Variants in PAX2 observed in about 807,000 individuals in gnomAD.
The protein encoded by PAX2 is paired box 2.
PAX2 carries 9 observed loss-of-function variants against 41.7 expected under a neutral mutation model. That is an observed-to-expected ratio of 0.22 (90% CI 0.13 to 0.38). PAX2 has a LOEUF of 0.38. PAX2 is among the 10% of genes least tolerant of loss of function. The pLI is 1.00. For missense variants in PAX2, 418 were observed against 531.6 expected (o/e 0.79, Z 2.10); for synonymous variants, 221 against 212.7 (o/e 1.04, Z -0.34).
At chr10:100,781,083 C>T (rs1003732322) in intron 4 of PAX2, among the ~76,000 whole-genome samples, 163 bp from the exon 5 acceptor site, 1 of 152,174 alleles carries the variant, frequency 6.6e-6, no homozygotes, top group Admixed American at 6.5e-5. Flanking sequence ...GCAGTCCCCT[C>T]TTAAATAGAC....
rs1845148281 is a variant in PAX2 at position 100,745,937 on chromosome 10, T to TGGCTGC, written c.-323_-318dup. 15 of 1,237,480 alleles carry TGGCTGC rather than the reference T, an allele frequency of 1.2e-5. No homozygotes were observed. Among genetic ancestry groups the TGGCTGC allele is most frequent in the Admixed American group, 4.6e-5 (1 of 21,848 alleles). 76.7% of individuals were successfully genotyped at this position (1,237,480 alleles called of 1,614,324 possible). A position where few individuals can be genotyped will look rare whatever the true frequency, so the allele number is the denominator to read the frequency against. On this transcript the variant is annotated 5_prime_UTR_variant, in exon 1 of 10. Coordinates refer to ENST00000355243, the MANE Select transcript of PAX2 (RefSeq NM_000278.5). ...CGCCTCCCCCGCCCAGCTTCAGCCC[T>TGGCTGC]GGCTGCAGCTGCAGCGCGAGCCATG... is the stretch of plus-strand genomic sequence containing the variant.
At chr10:100,817,015 C>G (rs1848209334) in intron 7 of PAX2, among the ~76,000 whole-genome samples, 1 of 152,210 alleles carries the variant, frequency 6.6e-6, no homozygotes, top group Non-Finnish European at 1.5e-5. Context: ...CAGAGAGGAA[C>G]TGGGAGGCCT....
At chr10:100,771,274 C>T (rs1305450420) in intron 3 of PAX2, among the ~76,000 whole-genome samples, 8 of 152,260 alleles carry the variant, frequency 5.3e-5, no homozygotes, top group Admixed American at 4.6e-4. Context: ...AGGTCCTGCC[C>T]ACAGCTCTGA....
Position 100,748,291 on chromosome 10 carries a change from G to A in PAX2, c.44-1455G>A. 2.0e-6 allele frequency: 2 copies of A among 984,894 alleles called. No homozygotes were observed. Among genetic ancestry groups the A allele is most frequent in the Non-Finnish European group, 1.2e-6 (1 of 829,680 alleles). 61.0% of individuals were successfully genotyped at this position (984,894 alleles called of 1,614,324 possible). On this transcript the variant is annotated intron_variant, in intron 1 of 9. Transcript: ENST00000355243. This position sits in a 1 kb window ranked among gnomAD's most constrained non-coding sequence, Gnocchi z 5.0. ...ATTGATGGTCGGGGTTTGGAGGGAG[G>A]GGAGGGTGAGAAGTGGGGCTAGAGA... is the stretch of plus-strand genomic sequence containing the variant.
At chr10:100,818,760 T>C (rs1035083203) in intron 7 of PAX2, among the ~76,000 whole-genome samples, 6 of 152,228 alleles carry the variant, frequency 3.9e-5, no homozygotes, top group Non-Finnish European at 8.8e-5. Flanking sequence ...AGGATTCACT[T>C]AGCATGATCC....
chr10:100,820,859 C>A (rs1440679564), intron 7 of PAX2, among the ~76,000 whole-genome samples: 1 of 152,202 alleles, frequency 6.6e-6, no homozygotes, highest in Non-Finnish European at 1.5e-5. Context: ...TGTCATTGAG[C>A]AACAAAAATC....
At chr10:100,749,126 A>G (rs1267557804) in intron 1 of PAX2, 1 of 985,478 alleles carries the variant, frequency 1.0e-6, no homozygotes, top group Non-Finnish European at 1.2e-6. Context: ...AAAACTTCCC[A>G]TCAAAAACAA....
At chr10:100,819,385 A>G (rs780029373) in intron 7 of PAX2, among the ~76,000 whole-genome samples, 3 of 152,058 alleles carry the variant, frequency 2.0e-5, no homozygotes, top group African/African-American at 4.8e-5. Context: ...CCTGGCCAAC[A>G]TAGTGAAACC....
intron 1 of PAX2, chr10:100,749,488 T>TC (rs1226202635): frequency 4.9e-5 from 65 of 1,313,480 alleles, no homozygotes; most frequent in Non-Finnish European, 6.0e-5. Flanking sequence ...TTCTCTCCAG[T>TC]CCCCCCTTTG....
intron 3 of PAX2, among the ~76,000 whole-genome samples, chr10:100,778,595 A>C (rs953231227): frequency 1.3e-5 from 2 of 152,120 alleles, no homozygotes; most frequent in African/African-American, 4.8e-5. Context: ...GTGGCTTCCA[A>C]AGGCCCCTCA....
chr10:100,780,534 T>C (rs1179618046), intron 4 of PAX2, among the ~76,000 whole-genome samples: 1 of 151,822 alleles, frequency 6.6e-6, no homozygotes, highest in Non-Finnish European at 1.5e-5. Context: ...TTACAGTGTG[T>C]GCTGGGAGGG....
At chr10:100,786,954 A>G (rs748490005) in intron 5 of PAX2, 3 of 1,388,800 alleles carry the variant, frequency 2.2e-6, no homozygotes, top group East Asian at 3.7e-5. Context: ...TGAGGTATAC[A>G]CTGATCCTGC....
chr10:100,811,513 G>A (rs1471826630), intron 7 of PAX2, among the ~76,000 whole-genome samples: 1 of 152,240 alleles, frequency 6.6e-6, no homozygotes, highest in African/African-American at 2.4e-5. Context: ...GATGCAAGGA[G>A]AACAGAAACA....
chr10:100,779,819 T>A (rs1301071365), intron 4 of PAX2, among the ~76,000 whole-genome samples: 2 of 152,004 alleles, frequency 1.3e-5, no homozygotes, highest in East Asian at 3.9e-4. Context: ...AGTCAGTCCC[T>A]ATCCTCTCCC....
chr10:100,814,163 A>G (rs1042104875), intron 7 of PAX2, among the ~76,000 whole-genome samples: 1 of 151,732 alleles, frequency 6.6e-6, no homozygotes, highest in Non-Finnish European at 1.5e-5. Context: ...CCTGGCTAAC[A>G]TGGTGAAACC....
At position 100,808,377 on chromosome 10, in the gene PAX2, A is replaced by G. The variant is rs190773317; in HGVS notation, c.793-733A>G. On this transcript the variant is annotated intron_variant, in intron 6 of 9. Coordinates refer to ENST00000355243, the MANE Select transcript of PAX2 (RefSeq NM_000278.5). ...GCGGAAGGGAAAAAAACAGACCCGA[A>G]AGAGCAGGAAATCAGTTTTAATTTA... Among the ~76,000 whole-genome samples, 128 of 152,302 alleles carry G rather than the reference A, an allele frequency of 8.4e-4. 1 individual carries two copies. Among genetic ancestry groups the G allele is most frequent in the African/African-American group, 2.9e-3 (120 of 41,564 alleles).
rs1845268653 is a variant in PAX2 at position 100,748,073 on chromosome 10, G to A, written c.44-1673G>A. ...TGCTGGCGGCCGTGGCGCATTCCAGGCCCGACTCAGCGCCGACTCGCTGCA... is the reference window on the plus strand; with the variant it reads ...TGCTGGCGGCCGTGGCGCATTCCAGACCCGACTCAGCGCCGACTCGCTGCA... On this transcript the variant is annotated intron_variant, in intron 1 of 9. Transcript: ENST00000355243. This position sits in a 1 kb window ranked among gnomAD's most constrained non-coding sequence, Gnocchi z 5.0. 2 of 984,958 alleles carry A rather than the reference G, an allele frequency of 2.0e-6. No individual in the cohort carries two copies. Among genetic ancestry groups the A allele is most frequent in the Non-Finnish European group, 2.4e-6 (2 of 829,912 alleles). The allele number at this position is 984,958 out of a possible 1,614,324, so 61.0% of individuals were successfully genotyped here. A position where few individuals can be genotyped will look rare whatever the true frequency, so the allele number is the denominator to read the frequency against.
rs1845273962 is a variant in PAX2 at position 100,748,186 on chromosome 10, G to A, written c.44-1560G>A. On this transcript the variant is annotated intron_variant, in intron 1 of 9. Transcript: ENST00000355243. This position sits in a 1 kb window ranked among gnomAD's most constrained non-coding sequence, Gnocchi z 5.0. ...AGGGGCCGGGCCCTGAGCCCGGGGAGGCTGAATTATTCATCTTTAATCTGC... is the reference window on the plus strand; with the variant it reads ...AGGGGCCGGGCCCTGAGCCCGGGGAAGCTGAATTATTCATCTTTAATCTGC... 1.0e-6 allele frequency: 1 copy of A among 985,148 alleles called. No homozygotes were observed. The highest frequency in any genetic ancestry group is 1.7e-5 in the African/African-American group (1 of 57,216). The allele number at this position is 985,148 out of a possible 1,614,324, so 61.0% of individuals were successfully genotyped here. A position where few individuals can be genotyped will look rare whatever the true frequency, so the allele number is the denominator to read the frequency against.
intron 6 of PAX2, among the ~76,000 whole-genome samples, chr10:100,808,662 A>G (rs1390885886): frequency 2.0e-5 from 3 of 152,070 alleles, no homozygotes; most frequent in African/African-American, 4.8e-5. Flanking sequence ...TTTTTAAAAA[A>G]GGGGCGCCCA....
Sources: gnomAD v4.1 joint callset for allele counts (sites outside exome capture counted in the v4.1 genomes callset) on GRCh38, gnomAD v4.1.1 for gene constraint, Gnocchi (gnomAD v3.1) non-coding constraint, MANE v1.5 for transcripts, NCBI Gene and HGNC (gene_info 2026-07-23, HGNC 2026-07-21) for gene names.